The following SYNE2 variants were observed in gnomAD, a reference collection of about 807,000 sequenced individuals.
SYNE2 encodes spectrin repeat containing nuclear envelope protein 2.
In SYNE2, 431 loss-of-function variants were observed where a neutral mutation model predicts 856.3. The observed-to-expected ratio is 0.50, with a 90% CI of 0.47 to 0.55. SYNE2 has a LOEUF of 0.55. Ranked by LOEUF, SYNE2 falls within the 20% of genes least tolerant of loss-of-function variation. The pLI, the probability that SYNE2 is intolerant of heterozygous loss-of-function variation, is 0.00. For missense variants in SYNE2, 8,129 were observed against 8,023.2 expected, an observed-to-expected ratio of 1.01 and a Z score of -0.50; for synonymous variants, 2,923 against 2,872.3, an observed-to-expected ratio of 1.02 and a Z score of -0.56.
chr14:64,188,935 A>C (rs1474010072), intron 98 of SYNE2: 1 of 704,638 alleles, frequency 1.4e-6, no homozygotes, highest in East Asian at 2.7e-5. Flanking sequence ...TACCGAGGAG[A>C]GTTGCTTTCT....
At chr14:63,958,829 T>G (rs1226031963) in intron 8 of SYNE2, among the ~76,000 whole-genome samples, 1 of 152,228 alleles carries the variant, frequency 6.6e-6, no homozygotes, top group Non-Finnish European at 1.5e-5. Flanking sequence ...TATTGATATT[T>G]TACACTCTTA....
At chr14:64,095,163 A>G (rs2097666384) in intron 61 of SYNE2, 1 of 170,364 alleles carries the variant, frequency 5.9e-6, no homozygotes, top group Non-Finnish European at 1.5e-5. Flanking sequence ...TGATCTGCTG[A>G]AGCATGTAGT....
At chr14:63,923,595 G>A (rs960792022) in intron 2 of SYNE2, among the ~76,000 whole-genome samples, 1 of 152,168 alleles carries the variant, frequency 6.6e-6, no homozygotes, top group Non-Finnish European at 1.5e-5. Context: ...TCAGACATGG[G>A]TCATGTACTG....
In SYNE2 at chr14:64,052,363, T is replaced by C; in HGVS notation, c.8450T>C (p.Met2817Thr). 1 of 1,614,138 alleles carries C rather than the reference T, an allele frequency of 6.2e-7. No homozygotes were observed. ...TLEDLRNQYQ[M>T]LVLKSTQRSQ... Reference sequence around the variant, plus strand: ...GAGGACTTACGGAATCAATACCAAATGCTGGTTTTAAAATCAACTCAAAGA... The same window carrying C: ...GAGGACTTACGGAATCAATACCAAACGCTGGTTTTAAAATCAACTCAAAGA... Residue 2817 changes from methionine (M) to threonine (T), a missense_variant, in exon 48 of 116, where the codon ATG becomes ACG. By Grantham distance (81) the Met-to-Thr change is moderately conservative. Around this residue, in one of 3 missense-constraint regions of SYNE2, gnomAD observed 5,410 missense variants for 5,284.8 expected, o/e 1.02. Coordinates refer to ENST00000555002, the MANE Select transcript of SYNE2 (RefSeq NM_182914.3).
At chr14:64,056,956 C>G (rs2097275658) in intron 49 of SYNE2, among the ~76,000 whole-genome samples, 1 of 152,006 alleles carries the variant, frequency 6.6e-6, no homozygotes, top group African/African-American at 2.4e-5. Context: ...AAACTAATAC[C>G]TAGTGTGTGC....
rs779905429 is a variant in SYNE2 at position 63,981,060 on chromosome 14, T to G, written c.1723T>G (p.Tyr575Asp). ...SDVCMYRKNI[Y>D]NVKSTLQKVL... ...TGTTTGTATGTATAGAAAAAATATATATAATGTGAAGTCCACTCTACAAAA... is the reference window on the plus strand; with the variant it reads ...TGTTTGTATGTATAGAAAAAATATAGATAATGTGAAGTCCACTCTACAAAA... The change falls in exon 16 of 116, where the codon TAT becomes GAT. Residue 575 changes from tyrosine to aspartate, a missense_variant. By Grantham distance (160) the Tyr-to-Asp change is radical. This residue lies in a region of SYNE2 where 2,422 missense variants were observed against 2,357.4 expected (regional missense o/e 1.03). Coordinates refer to ENST00000555002, the MANE Select transcript of SYNE2 (RefSeq NM_182914.3). The G allele has an allele frequency of 6.3e-7, 1 of 1,596,166 alleles. No individual in the cohort carries two copies. Among genetic ancestry groups the G allele is most frequent in the Non-Finnish European group, 8.6e-7 (1 of 1,164,006 alleles).
At chr14:64,182,506 C>G (rs1191960966) in intron 96 of SYNE2, among the ~76,000 whole-genome samples, 3 of 152,092 alleles carry the variant, frequency 2.0e-5, no homozygotes, top group Non-Finnish European at 4.4e-5. Flanking sequence ...GAACAAAGGT[C>G]TCTGGTTTTC....
At chr14:63,994,928 G>A (rs1473076339) in intron 22 of SYNE2, 116 bp from the exon 23 acceptor site, 7 of 643,234 alleles carry the variant, frequency 1.1e-5, no homozygotes, top group Middle Eastern at 9.0e-4. Context: ...AATCAGAATG[G>A]CACTTAAGCT....
At chr14:64,069,632 G>A (rs2097387716) in intron 51 of SYNE2, among the ~76,000 whole-genome samples, 1 of 152,128 alleles carries the variant, frequency 6.6e-6, no homozygotes, top group Admixed American at 6.5e-5. Context: ...ACCCCAAAAG[G>A]TCCGTTCAGT....
chr14:64,152,540 A>C (rs2098252653), intron 84 of SYNE2, 24 bp from the exon 85 acceptor site: 2 of 1,613,512 alleles, frequency 1.2e-6, no homozygotes, highest in Non-Finnish European at 1.7e-6. Flanking sequence ...GTGCATTGAA[A>C]ACCTTTTCCT....
At chr14:63,874,835 T>C (rs559820258) in intron 1 of SYNE2, among the ~76,000 whole-genome samples, 4 of 152,298 alleles carry the variant, frequency 2.6e-5, no homozygotes, top group East Asian at 1.9e-4. Context: ...TGAAATTCTC[T>C]TTTTCCTTGC....
At chr14:63,885,227 C>T (rs928198791) in intron 1 of SYNE2, among the ~76,000 whole-genome samples, 8 of 152,150 alleles carry the variant, frequency 5.3e-5, no homozygotes, top group Admixed American at 3.9e-4. Context: ...CAGAGCTCAC[C>T]ATGGGGTTAG....
At chr14:64,065,408 A>AT (rs780435992) in intron 50 of SYNE2, 24 bp from the exon 51 acceptor site, 12 of 1,599,028 alleles carry the variant, frequency 7.5e-6, no homozygotes, top group Admixed American at 5.0e-5. Flanking sequence ...TGTCCCTCTT[A>AT]TTTTTTTTCT....
chr14:63,948,760 G>GTATATATGTGTGTA (rs1566883724), intron 6 of SYNE2, among the ~76,000 whole-genome samples: 14 of 54,972 alleles, frequency 2.5e-4, no homozygotes, highest in African/African-American at 6.8e-4. Context: ...GTATATATAT[G>GTATATATGTGTGTA]TATATATATG....
intron 45 of SYNE2, among the ~76,000 whole-genome samples, chr14:64,040,108 A>G (rs545050010): frequency 1.3e-5 from 2 of 152,326 alleles, no homozygotes; most frequent in African/African-American, 2.4e-5. Flanking sequence ...CTGTCTGTCT[A>G]TCTACTTACT....
In SYNE2 at chr14:63,961,521, G is replaced by A. The variant is rs748433118; in HGVS notation, c.788-4G>A. 4.3e-6 allele frequency: 7 copies of A among 1,610,456 alleles called. No individual in the cohort carries two copies. In the South Asian group the frequency reaches 5.5e-5, roughly 13 times the overall value. ...GCTAATTGATAGTGTGGTGTATCTT[G>A]CAGATGTGGATGTTGTTGATCCTGA... On this transcript the variant is annotated splice_region_variant and splice_polypyrimidine_tract_variant and intron_variant, in intron 8 of 115. Coordinates refer to ENST00000555002, the MANE Select transcript of SYNE2 (RefSeq NM_182914.3).
At position 64,159,313 on chromosome 14, in the gene SYNE2, C is replaced by T. The variant is rs536122020; in HGVS notation, c.15965C>T (p.Ser5322Phe). ...AAATTTCTTGTTTGTGTCTCTTAGT[C>T]TCTGCAAGATGAAGCTGAGAGCAGT... The part of the protein sequence containing the change: ...TLRCQVENLQ[S>F]LQDEAESSEG... Residue 5322 changes from serine to phenylalanine, a missense_variant and splice_region_variant, in exon 87 of 116, where the codon TCT becomes TTT. Physicochemically the swap from Ser to Phe is radical, Grantham distance 155 (BLOSUM62 -2). Around this residue, in one of 3 missense-constraint regions of SYNE2, gnomAD observed 5,410 missense variants for 5,284.8 expected, o/e 1.02. Transcript: ENST00000555002. 4.3e-6 allele frequency: 7 copies of T among 1,613,828 alleles called. No homozygotes were observed. The South Asian group carries it at 4.4e-5, about 10-fold the overall frequency.
chr14:64,192,047 A>T (rs2098521079), intron 99 of SYNE2, among the ~76,000 whole-genome samples: 1 of 152,164 alleles, frequency 6.6e-6, no homozygotes, highest in Non-Finnish European at 1.5e-5. Flanking sequence ...TGTTTTCATT[A>T]CTTTTCCATG....
intron 45 of SYNE2, among the ~76,000 whole-genome samples, chr14:64,040,568 A>G (rs2884158): frequency 0.79 from 117,876 of 148,374 alleles, 47,822 homozygotes; most frequent in Non-Finnish European, 0.88. Context: ...ATAAAGAGAC[A>G]TATCCCCTAC....
Sources: allele counts gnomAD v4.1 joint callset (sites outside exome capture counted in the v4.1 genomes callset), GRCh38; gene constraint gnomAD v4.1.1; regional missense constraint gnomAD v4.1.1; transcripts MANE v1.5; gene names NCBI Gene and HGNC (gene_info 2026-07-23, HGNC 2026-07-21).